MGA: variants seen among roughly 807,000 people sequenced by gnomAD.
MGA encodes MAX gene-associated protein.
MGA carries 40 observed loss-of-function variants against 261.1 expected under a neutral mutation model. The ratio of observed to expected loss-of-function variants is 0.15; its 90% confidence interval spans 0.12 to 0.20. The LOEUF (loss-of-function observed/expected upper bound fraction) is 0.20, where lower values mean the gene tolerates loss of function less well. Ranked by LOEUF, MGA falls within the 10% of genes least tolerant of loss-of-function variation. The pLI, the probability that MGA is intolerant of heterozygous loss-of-function variation, is 1.00. For missense variants in MGA, 3,397 were observed against 3,630.5 expected, an observed-to-expected ratio of 0.94 and a Z score of 1.65; for synonymous variants, 1,302 against 1,290.6, an observed-to-expected ratio of 1.01 and a Z score of -0.19.
At position 41,669,918 on chromosome 15, in the gene MGA, C is replaced by T. The variant is rs768774209; in HGVS notation, c.1024C>T (p.Leu342Phe). ...TGGTTTCATGGATACTGATTCAGCA[C>T]TTAGTGAAGTTCCTCAATTGAAGCA... is the stretch of plus-strand genomic sequence containing the variant. The change falls in exon 2 of 24, where the codon CTT becomes TTT. Residue 342 changes from leucine (L) to phenylalanine (F), a missense_variant. This residue lies in a region of MGA where 563 missense variants were observed against 563.6 expected (regional missense o/e 1.00). Coordinates refer to ENST00000219905, the MANE Select transcript of MGA (RefSeq NM_001164273.2). 6.2e-7 allele frequency: 1 copy of T among 1,613,764 alleles called. No homozygotes were observed.
At chr15:41,724,851 T>G (rs2061144598) in intron 9 of MGA, among the ~76,000 whole-genome samples, 1 of 152,178 alleles carries the variant, frequency 6.6e-6, no homozygotes, top group Non-Finnish European at 1.5e-5. Flanking sequence ...TATTCAAATT[T>G]TGTGATTGTG....
chr15:41,634,499 T>TTATG (rs1227294891), intron 1 of MGA, among the ~76,000 whole-genome samples: 1 of 152,170 alleles, frequency 6.6e-6, no homozygotes, highest in Non-Finnish European at 1.5e-5. Flanking sequence ...TTGTGTATGT[T>TTATG]TATGTATGTG....
intron 9 of MGA, among the ~76,000 whole-genome samples, chr15:41,722,972 A>T (rs1435942946): frequency 6.6e-6 from 1 of 152,252 alleles, no homozygotes; most frequent in East Asian, 1.9e-4. Context: ...TTTAAGTGTC[A>T]TGAACAAAAG....
intron 9 of MGA, among the ~76,000 whole-genome samples, chr15:41,715,735 T>C (rs1355948260): frequency 6.6e-6 from 1 of 152,192 alleles, no homozygotes; most frequent in Non-Finnish European, 1.5e-5. Context: ...GGTATTCTTA[T>C]TTCTATTTTA....
intron 11 of MGA, among the ~76,000 whole-genome samples, chr15:41,731,418 A>G (rs1456721323): frequency 6.6e-6 from 1 of 152,134 alleles, no homozygotes; most frequent in Non-Finnish European, 1.5e-5. Context: ...ATTATTTTAA[A>G]CATTTTCATA....
chr15:41,764,310 G>A (rs1161107882), intron 22 of MGA, among the ~76,000 whole-genome samples: 2 of 145,998 alleles, frequency 1.4e-5, no homozygotes, highest in African/African-American at 5.1e-5. Flanking sequence ...GTAGAGTGCG[G>A]TGGCGCAATC....
chr15:41,716,006 G>T (rs967992314), intron 9 of MGA, among the ~76,000 whole-genome samples: 4 of 152,016 alleles, frequency 2.6e-5, no homozygotes, highest in African/African-American at 9.7e-5. Flanking sequence ...TTCATCCTGT[G>T]CCCTATCCTT....
chr15:41,724,476 T>G (rs1487107486), intron 9 of MGA, among the ~76,000 whole-genome samples: 2 of 152,228 alleles, frequency 1.3e-5, no homozygotes, highest in Admixed American at 6.5e-5. Context: ...AATATTTGAA[T>G]GCATAAATGA....
Position 41,669,097 on chromosome 15 carries a change from C to G in MGA, c.203C>G (p.Ala68Gly). 6.2e-7 allele frequency: 1 copy of G among 1,609,720 alleles called. No individual in the cohort carries two copies. The highest frequency in any genetic ancestry group is 8.5e-7 in the Non-Finnish European group (1 of 1,176,202). The change falls in exon 2 of 24, where the codon GCT (alanine) becomes GGT (glycine). Residue 68 changes from alanine (A) to glycine (G), a missense_variant. By Grantham distance (60) the Ala-to-Gly change is moderately conservative (BLOSUM62 0). Coordinates refer to ENST00000219905, the MANE Select transcript of MGA (RefSeq NM_001164273.2). ...TCTAAAGGGAAGATTTGCCTTCCAGCTGATTGTACTGTGGGTGGAATCACT... is the reference window on the plus strand; with the variant it reads ...TCTAAAGGGAAGATTTGCCTTCCAGGTGATTGTACTGTGGGTGGAATCACT...
At chr15:41,738,351 C>T (rs903866126) in intron 13 of MGA, among the ~76,000 whole-genome samples, 11 of 152,114 alleles carry the variant, frequency 7.2e-5, no homozygotes, top group Non-Finnish European at 1.3e-4. Context: ...GCCGAGATCA[C>T]GCCACTGCAT....
chr15:41,737,610 G>T (rs543287995), intron 13 of MGA, among the ~76,000 whole-genome samples: 1 of 152,204 alleles, frequency 6.6e-6, no homozygotes, highest in African/African-American at 2.4e-5. Flanking sequence ...AGTAATTCAC[G>T]CAGGTTGTAT....
At chr15:41,654,215 G>A (rs184802922) in intron 1 of MGA, among the ~76,000 whole-genome samples, 30 of 152,054 alleles carry the variant, frequency 2.0e-4, no homozygotes, top group East Asian at 5.8e-4. Flanking sequence ...GCTGCTGTAC[G>A]GCTGATCAGT....
chr15:41,642,672 C>T (rs369808783), intron 1 of MGA, among the ~76,000 whole-genome samples: 22 of 152,096 alleles, frequency 1.4e-4, no homozygotes, highest in Middle Eastern at 6.8e-3. Flanking sequence ...TTAGTATTGA[C>T]GGGGTTTTAC....
Position 41,668,953 on chromosome 15 carries a change from C to A in MGA, c.59C>A (p.Ala20Glu). 1.2e-6 allele frequency: 2 copies of A among 1,605,438 alleles called. No individual in the cohort carries two copies. The highest frequency in any genetic ancestry group is 1.7e-6 in the Non-Finnish European group (2 of 1,174,756). The stretch of plus-strand genomic sequence containing the variant: ...CAAGATGGTGGAACAGTGGCAGGAG[C>A]AGCACCTACCTTCTTTGTCATCTTA... Residue 20 changes from alanine (A) to glutamate (E), a missense_variant, in exon 2 of 24, where the codon GCA (alanine) becomes GAA (glutamate). Around this residue, in one of 9 missense-constraint regions of MGA, gnomAD observed 81 missense variants for 84.3 expected, o/e 0.96. Coordinates refer to ENST00000219905, the MANE Select transcript of MGA (RefSeq NM_001164273.2).
intron 1 of MGA, among the ~76,000 whole-genome samples, chr15:41,622,003 C>G (rs562963288): frequency 8.7e-6 from 1 of 114,414 alleles, no homozygotes; most frequent in South Asian, 3.1e-4. Context: ...GGTCACATGA[C>G]GAGGTTGGCA....
intron 11 of MGA, among the ~76,000 whole-genome samples, chr15:41,731,936 T>C (rs942975914): frequency 1.3e-5 from 2 of 152,206 alleles, no homozygotes; most frequent in African/African-American, 2.4e-5. Context: ...ATGTGTCAGG[T>C]AGTGTGCCAG....
rs117340222 is a variant in MGA, at chr15:41,728,786, T to C, written c.3658-378T>C. ...AAATAAGAGTAAATATTTAGAAATT[T>C]CTACAGCAAGTTGATTAGCTGAATC... On this transcript the variant is annotated intron_variant, in intron 10 of 23. Transcript: ENST00000219905. 5.6e-3 allele frequency among the ~76,000 whole-genome samples: 858 copies of C among 152,332 alleles called. 8 individuals are homozygous for C. Among genetic ancestry groups the C allele is most frequent in the Non-Finnish European group, 8.4e-3 (573 of 68,026 alleles).
At chr15:41,656,664 T>G (rs547777479), upstream of MGA, among the ~76,000 whole-genome samples, 1 of 152,008 alleles carries the variant, frequency 6.6e-6, no homozygotes, top group East Asian at 1.9e-4. Context: ...TGTTTCTTAA[T>G]GAATGTTGAT....
rs1595822425 is a variant in MGA at position 41,710,843 on chromosome 15, A to G, written c.2578A>G (p.Lys860Glu). ...TCCTGTGGTGTACCAGCTTCCCACT[A>G]AGAGTACCAGTTATGTACGAACACT... The change falls in exon 8 of 24, where the codon AAG becomes GAG. Residue 860 changes from lysine to glutamate, a missense_variant. Lys to Glu is a moderately conservative substitution (Grantham distance 56). This residue lies in a region of MGA where 519 missense variants were observed against 554.1 expected (regional missense o/e 0.94). Transcript: ENST00000219905. 2 of 1,613,968 alleles carry G rather than the reference A, an allele frequency of 1.2e-6. No homozygotes were observed.
Sources: gnomAD v4.1 joint callset for allele counts (sites outside exome capture counted in the v4.1 genomes callset) on GRCh38, gnomAD v4.1.1 for gene constraint, gnomAD v4.1.1 regional missense constraint, MANE v1.5 for transcripts, NCBI Gene and HGNC (gene_info 2026-07-23, HGNC 2026-07-21) for gene names.